MYO7B: variants seen among roughly 807,000 people sequenced by gnomAD.
MYO7B encodes myosin VIIB.
Under a neutral mutation model 259.7 loss-of-function variants are expected in MYO7B, and 212 were observed. The ratio of observed to expected loss-of-function variants is 0.82; its 90% CI spans 0.73 to 0.91. MYO7B has a LOEUF of 0.91. MYO7B is among the 40% of genes least tolerant of loss of function. The probability of loss-of-function intolerance (pLI) is 0.00; values close to 1 mark genes in which losing one functional copy is unlikely to be tolerated. For synonymous variants in MYO7B, 1,197 were observed against 1,166.4 expected (o/e 1.03, Z -0.54); for missense variants, 2,732 against 2,813.5 (o/e 0.97, Z 0.66).
intron 12 of MYO7B, among the ~76,000 whole-genome samples, chr2:127,583,909 C>A (rs537171247): frequency 6.6e-6 from 1 of 152,088 alleles, no homozygotes. Context: ...GTCTTTTTGA[C>A]GTGGGGTGGA....
intron 6 of MYO7B, 146 bp downstream of exon 6, chr2:127,570,056 C>T: frequency 9.6e-7 from 1 of 1,044,848 alleles, no homozygotes; most frequent in Non-Finnish European, 1.3e-6. Flanking sequence ...GGGTGGGGTG[C>T]ATGGTAGGGG....
In MYO7B at chr2:127,621,978, C is replaced by T. The variant is rs1345511417; in HGVS notation, c.3526-4C>T. The T allele has an allele frequency of 6.4e-7, 1 of 1,551,774 alleles. No individual in the cohort carries two copies. The highest frequency in any genetic ancestry group is 1.2e-5 in the South Asian group (1 of 84,058). ...TCCTCCCTTCTCCCCTCCTCACCCA[C>T]CAGTATCTACTGAACTTCATCGGCC... On this transcript the variant is annotated splice_polypyrimidine_tract_variant and splice_region_variant and intron_variant, in intron 27 of 47. Transcript: ENST00000409816.
chr2:127,634,451 C>G lies in MYO7B; in HGVS notation c.5626-145C>G, dbSNP rs1033134322. ...GGTAGGTGGGGTCCTGGAGCAGAGC[C>G]AGCTCCACACGCCAATAGCCCACGC... On this transcript the variant is annotated intron_variant, in intron 41 of 47. Transcript: ENST00000409816. 1.1e-5 allele frequency: 10 copies of G among 875,940 alleles called. No individual in the cohort carries two copies. In the African/African-American group the frequency reaches 1.7e-4, roughly 15 times the overall value. The allele number at this position is 875,940 out of a possible 1,614,324, so 54.3% of individuals were successfully genotyped here.
chr2:127,621,298 CTG>C (rs571348358), intron 27 of MYO7B, among the ~76,000 whole-genome samples: 166 of 141,730 alleles, frequency 1.2e-3, no homozygotes, highest in African/African-American at 4.1e-3. Flanking sequence ...GAGTCTCACT[CTG>C]TCGCCCAGGC....
chr2:127,580,706 A>G (rs1265945097), intron 9 of MYO7B, 40 bp from the exon 10 acceptor site: 1 of 1,580,778 alleles, frequency 6.3e-7, no homozygotes, highest in Non-Finnish European at 8.6e-7. Flanking sequence ...CCATCGCTCC[A>G]GGCTGCTTTC....
chr2:127,561,166 T>A (rs1678070908), intron 2 of MYO7B, among the ~76,000 whole-genome samples: 2 of 152,142 alleles, frequency 1.3e-5, no homozygotes, highest in Admixed American at 1.3e-4. Context: ...TGCGACTAAC[T>A]GCAAGCAGAG....
chr2:127,584,968 G>T lies in MYO7B; in HGVS notation c.1690+55G>T. Reference sequence around the variant, plus strand: ...CCAAATCTGGACCGGGTTCCAGGGAGACCGTGGAAAGCAGGCTCAGAGGAT... The same window carrying T: ...CCAAATCTGGACCGGGTTCCAGGGATACCGTGGAAAGCAGGCTCAGAGGAT... On this transcript the variant is annotated intron_variant, in intron 14 of 47. Transcript: ENST00000409816. The surrounding 1 kb of genome is among the most constrained non-coding windows in gnomAD (Gnocchi z 5.8). 6.2e-7 allele frequency: 1 copy of T among 1,602,808 alleles called. No homozygotes were observed. Among genetic ancestry groups the T allele is most frequent in the South Asian group, 1.1e-5 (1 of 89,378 alleles).
chr2:127,604,293 C>T (rs1276818236), intron 19 of MYO7B, among the ~76,000 whole-genome samples: 1 of 152,192 alleles, frequency 6.6e-6, no homozygotes, highest in Non-Finnish European at 1.5e-5. Context: ...CCTCATGACC[C>T]AAACTTTGCT....
chr2:127,584,665 C>T lies in MYO7B; in HGVS notation c.1555-113C>T, dbSNP rs1055458997. 2 of 1,304,050 alleles carry T rather than the reference C, an allele frequency of 1.5e-6. No individual in the cohort carries two copies. The highest frequency in any genetic ancestry group is 4.2e-5 in the Admixed American group (2 of 47,860). The allele number at this position is 1,304,050 out of a possible 1,614,324, so 80.8% of individuals were successfully genotyped here. On this transcript the variant is annotated intron_variant, in intron 13 of 47. Transcript: ENST00000409816. The surrounding 1 kb of genome is among the most constrained non-coding windows in gnomAD (Gnocchi z 5.8). ...ATTAGTTTCCTGTCTGTACAAAGGC[C>T]CTCAATCATTCTGAGCCCAGATCTC...
chr2:127,632,742 C>T (rs1231538668), intron 39 of MYO7B, among the ~76,000 whole-genome samples: 3 of 151,764 alleles, frequency 2.0e-5, no homozygotes, highest in Admixed American at 6.5e-5. Flanking sequence ...CAAGTCCATG[C>T]GGCCTCCCTC....
Position 127,622,261 on chromosome 2 carries a change from T to C in MYO7B, c.3645+160T>C, listed in dbSNP as rs2245591. Reference sequence around the variant, plus strand: ...CTCCCATGCCAGTGGTCCCTGTGAGTGCCCCTGGGGCTCGGCCTCCCCAGG... The same window carrying C: ...CTCCCATGCCAGTGGTCCCTGTGAGCGCCCCTGGGGCTCGGCCTCCCCAGG... On this transcript the variant is annotated intron_variant, in intron 28 of 47. Coordinates refer to ENST00000409816, the MANE Select transcript of MYO7B (RefSeq NM_001393586.1). Among the ~76,000 whole-genome samples the C allele has an allele frequency of 2.9e-3, 442 of 152,196 alleles. 1 individual carries two copies. The highest frequency in any genetic ancestry group is 9.8e-3 in the African/African-American group (406 of 41,532).
In MYO7B at chr2:127,581,879, C is replaced by A. The variant is rs752396494; in HGVS notation, c.1081-12C>A. 4.2e-5 allele frequency: 67 copies of A among 1,613,310 alleles called. 1 individual carries two copies. In the South Asian group the frequency reaches 7.4e-4, roughly 18 times the overall value. ...TCCACAGGTGCGACGCAGCCCCCAC[C>A]TGCCTCCCCAGGTGCAGCACCAGGA... is the stretch of plus-strand genomic sequence containing the variant. On this transcript the variant is annotated splice_polypyrimidine_tract_variant and intron_variant, in intron 10 of 47. Transcript: ENST00000409816.
At position 127,608,851 on chromosome 2, in the gene MYO7B, G is replaced by A. The variant is rs777996926; in HGVS notation, c.2787G>A (p.Gln929=). 5.6e-6 allele frequency: 9 copies of A among 1,613,314 alleles called. No individual in the cohort carries two copies. The South Asian group carries it at 9.9e-5, about 18-fold the overall frequency. Residue 929 remains glutamine (Q), a synonymous_variant, in exon 22 of 48, where the codon CAG becomes CAA. Transcript: ENST00000409816. ...TCCTCCCTGCCATGATTGGGGGCCAGGAGGGCCAGGCCTCGCCGCACTTTG... is the reference window on the plus strand; with the variant it reads ...TCCTCCCTGCCATGATTGGGGGCCAAGAGGGCCAGGCCTCGCCGCACTTTG... The part of the protein sequence containing the change: ...FGFLPAMIGG[Q]EGQASPHFED...
At position 127,607,164 on chromosome 2, in the gene MYO7B, G is replaced by A. The variant is rs146800093; in HGVS notation, c.2425-42G>A. Reference sequence around the variant, plus strand: ...GCACCCCTCTCTGTTTCCTGGGGAAGGCCTTCTTGCCCCTGATCTCACCTC... The same window carrying A: ...GCACCCCTCTCTGTTTCCTGGGGAAAGCCTTCTTGCCCCTGATCTCACCTC... On this transcript the variant is annotated intron_variant, in intron 20 of 47. Coordinates refer to ENST00000409816, the MANE Select transcript of MYO7B (RefSeq NM_001393586.1). This position sits in a 1 kb window ranked among gnomAD's most constrained non-coding sequence, Gnocchi z 4.4. 88 of 1,508,008 alleles carry A rather than the reference G, an allele frequency of 5.8e-5. No homozygotes were observed. The highest frequency in any genetic ancestry group is 7.7e-5 in the Non-Finnish European group (86 of 1,120,726). The allele number at this position is 1,508,008 out of a possible 1,614,324, so 93.4% of individuals were successfully genotyped here.
chr2:127,542,249 G>C (rs536403855), intron 1 of MYO7B, among the ~76,000 whole-genome samples: 3 of 152,338 alleles, frequency 2.0e-5, no homozygotes, highest in Non-Finnish European at 4.4e-5. Context: ...TTCTTCATGG[G>C]GAGCCCTGGG....
chr2:127,559,424 G>T lies in MYO7B; in HGVS notation c.-23-276G>T, dbSNP rs943591657. 2.0e-5 allele frequency among the ~76,000 whole-genome samples: 3 copies of T among 152,180 alleles called. No individual in the cohort carries two copies. The highest frequency in any genetic ancestry group is 4.4e-5 in the Non-Finnish European group (3 of 68,026). ...CTGACCAGTTAAAATTGGGGCTTCT[G>T]GATGACAGGGAACCACCTACTCCCT... is the stretch of plus-strand genomic sequence containing the variant. On this transcript the variant is annotated intron_variant, in intron 1 of 47. Coordinates refer to ENST00000409816, the MANE Select transcript of MYO7B (RefSeq NM_001393586.1). The surrounding 1 kb of genome is among the most constrained non-coding windows in gnomAD (Gnocchi z 4.1).
rs1397875901 is a variant in MYO7B, at chr2:127,546,553, C to T, written c.-24+10722C>T. 6.6e-6 allele frequency among the ~76,000 whole-genome samples: 1 copy of T among 152,222 alleles called. No homozygotes were observed. The highest frequency in any genetic ancestry group is 1.5e-5 in the Non-Finnish European group (1 of 68,034). ...GAGGGCTTTGAGAACTAGCAGTTTACCCTTCTCTTCTCAGGTGAAGGTAAC... is the reference window on the plus strand; with the variant it reads ...GAGGGCTTTGAGAACTAGCAGTTTATCCTTCTCTTCTCAGGTGAAGGTAAC... On this transcript the variant is annotated intron_variant, in intron 1 of 47. Transcript: ENST00000409816. The surrounding 1 kb of genome is among the most constrained non-coding windows in gnomAD (Gnocchi z 4.2).
At position 127,538,160 on chromosome 2, in the gene MYO7B, C is replaced by T. The variant is rs574562498; in HGVS notation, c.-24+2329C>T. ...ATGGTGTGAGGATGAGGGTGGGGAACGGGGGATGTTCCAGGTGGAGGAAGT... is the reference window on the plus strand; with the variant it reads ...ATGGTGTGAGGATGAGGGTGGGGAATGGGGGATGTTCCAGGTGGAGGAAGT... On this transcript the variant is annotated intron_variant, in intron 1 of 47. Transcript: ENST00000409816. 4.0e-5 allele frequency among the ~76,000 whole-genome samples: 6 copies of T among 151,864 alleles called. No individual in the cohort carries two copies. In the South Asian group the frequency reaches 6.2e-4, roughly 16 times the overall value.
Position 127,609,704 on chromosome 2 carries a change from A to C in MYO7B, c.3013A>C (p.Thr1005Pro). The C allele has an allele frequency of 6.2e-7, 1 of 1,613,912 alleles. No homozygotes were observed. Among genetic ancestry groups the C allele is most frequent in the Non-Finnish European group, 8.5e-7 (1 of 1,179,860 alleles). ...CCCGTTGCTTTACCACGAAGATGAC[A>C]CTGACTGCTTGGTACCAGGGTTCAC... The part of the protein sequence containing the change: ...RYPLLYHEDD[T>P]DCLAALVIWN... Residue 1005 changes from threonine (T) to proline (P), a missense_variant, in exon 23 of 48, where the codon ACT (threonine) becomes CCT (proline). This residue lies in a region of MYO7B where 1,906 missense variants were observed against 2,026.4 expected (regional missense o/e 0.94). Coordinates refer to ENST00000409816, the MANE Select transcript of MYO7B (RefSeq NM_001393586.1). The surrounding 1 kb of genome is among the most constrained non-coding windows in gnomAD (Gnocchi z 6.9).
Sources: gnomAD v4.1 joint callset for allele counts (sites outside exome capture counted in the v4.1 genomes callset) on GRCh38, gnomAD v4.1.1 for gene constraint, gnomAD v4.1.1 regional missense constraint, Gnocchi (gnomAD v3.1) non-coding constraint, MANE v1.5 for transcripts, NCBI Gene and HGNC (gene_info 2026-07-23, HGNC 2026-07-21) for gene names.